NCAM2: variants seen among roughly 807,000 people sequenced by gnomAD.
NCAM2 encodes N-CAM-2.
A neutral mutation model predicts 98.1 loss-of-function variants in NCAM2; 30 were observed. The observed-to-expected ratio is 0.31, with a 90% CI of 0.23 to 0.41. NCAM2 has a LOEUF of 0.41. Ranked by LOEUF, NCAM2 falls within the 10% of genes least tolerant of loss-of-function variation. NCAM2 has a pLI of 1.00. For synonymous variants in NCAM2, 368 were observed against 342.4 expected (o/e 1.07, Z -0.83); for missense variants, 867 against 1,005.8 (o/e 0.86, Z 1.87).
rs141149066 is a variant in NCAM2, at chr21:21,385,395, C to CACACACACACACACACAT, written c.1195+11386_1195+11387insACACACACACACATACAC. On this transcript the variant is annotated intron_variant, in intron 9 of 17. Coordinates refer to ENST00000400546, the MANE Select transcript of NCAM2 (RefSeq NM_004540.5). ...AAACACACACACACACACACACACA[C>CACACACACACACACACAT]ACACGCACACACACATACACACACA... is the stretch of plus-strand genomic sequence containing the variant. 4.6e-3 allele frequency among the ~76,000 whole-genome samples: 699 copies of CACACACACACACACACAT among 150,656 alleles called. 10 individuals are homozygous for CACACACACACACACACAT. Among genetic ancestry groups the CACACACACACACACACAT allele is most frequent in the East Asian group, 8.9e-3 (45 of 5,058 alleles).
At chr21:21,409,364 A>G (rs2145908506) in intron 9 of NCAM2, among the ~76,000 whole-genome samples, 1 of 152,336 alleles carries the variant, frequency 6.6e-6, no homozygotes, top group South Asian at 2.1e-4. Context: ...AATCGTAAGA[A>G]TAGGAACTGG....
intron 5 of NCAM2, among the ~76,000 whole-genome samples, chr21:21,322,038 A>C (rs1220806790): frequency 1.3e-5 from 2 of 152,202 alleles, no homozygotes; most frequent in Non-Finnish European, 2.9e-5. Flanking sequence ...TCACAATAGC[A>C]AGGACATGGA....
At chr21:21,482,557 T>A (rs1466366351) in intron 15 of NCAM2, among the ~76,000 whole-genome samples, 3 of 151,866 alleles carry the variant, frequency 2.0e-5, no homozygotes, top group African/African-American at 4.8e-5. Context: ...TTATGTATAT[T>A]AGATATATTT....
intron 15 of NCAM2, among the ~76,000 whole-genome samples, chr21:21,495,511 T>TTTTTGGAGTCTTTGGAAA (rs1400885771): frequency 4.6e-5 from 7 of 152,076 alleles, no homozygotes; most frequent in Admixed American, 1.3e-4. Flanking sequence ...AATGACTCCC[T>TTTTTGGAGTCTTTGGAAA]ACCATCTTTT....
intron 1 of NCAM2, among the ~76,000 whole-genome samples, chr21:21,154,092 A>G (rs142336393): frequency 6.6e-6 from 1 of 152,046 alleles, no homozygotes; most frequent in African/African-American, 2.4e-5. Context: ...ATGTTCATGT[A>G]TATTGTCTGT....
At chr21:21,397,843 G>A (rs2076546316) in intron 9 of NCAM2, among the ~76,000 whole-genome samples, 1 of 152,206 alleles carries the variant, frequency 6.6e-6, no homozygotes, top group African/African-American at 2.4e-5. Context: ...CTCCAGATGG[G>A]CTGCCACTGC....
intron 1 of NCAM2, among the ~76,000 whole-genome samples, chr21:21,085,727 C>T (rs1295672322): frequency 6.6e-6 from 1 of 152,018 alleles, no homozygotes; most frequent in African/African-American, 2.4e-5. Flanking sequence ...GATTAGTTTC[C>T]AGTTGTTTAT....
intron 12 of NCAM2, among the ~76,000 whole-genome samples, chr21:21,436,529 C>T (rs368945535): frequency 1.2e-4 from 18 of 152,182 alleles, no homozygotes; most frequent in African/African-American, 4.3e-4. Context: ...ACTTCTCTTA[C>T]ATTATAACTC....
At chr21:21,459,938 C>CAAAT (rs1217679119) in intron 12 of NCAM2, among the ~76,000 whole-genome samples, 2 of 151,698 alleles carry the variant, frequency 1.3e-5, no homozygotes, top group Admixed American at 1.3e-4. Context: ...ATTAAGTGTA[C>CAAAT]AAATACAAAC....
intron 1 of NCAM2, among the ~76,000 whole-genome samples, chr21:21,261,651 T>A (rs990207018): frequency 4.6e-5 from 7 of 152,198 alleles, no homozygotes; most frequent in South Asian, 2.1e-4. Context: ...AATCAAAAAA[T>A]TTTTGAAACA....
chr21:21,239,475 A>C (rs577255195), intron 1 of NCAM2: 7 of 152,312 alleles, frequency 4.6e-5, no homozygotes, highest in African/African-American at 1.4e-4. Context: ...ATTACCAGGT[A>C]TTCTGGATAA....
chr21:21,410,276 GC>G lies in NCAM2; in HGVS notation c.1203del (p.Lys402SerfsTer19). 6.7e-7 allele frequency: 1 copy of G among 1,492,416 alleles called. No homozygotes were observed. The highest frequency in any genetic ancestry group is 9.0e-7 in the Non-Finnish European group (1 of 1,111,560). 92.4% of individuals were successfully genotyped at this position (1,492,416 alleles called of 1,614,324 possible). A position where few individuals can be genotyped will look rare whatever the true frequency, so the allele number is the denominator to read the frequency against. Reference sequence around the variant, plus strand: ...TATTTTATTATATTGTATTACAGATGCCCCCAAGTTTATATCAAACCAAACA... The same window carrying G: ...TATTTTATTATATTGTATTACAGATGCCCCAAGTTTATATCAAACCAAACA... ...QKSMYLDIEY[A>X]PKFISNQTIY... On this transcript the variant is annotated frameshift_variant, in exon 10 of 18. Coordinates refer to ENST00000400546, the MANE Select transcript of NCAM2 (RefSeq NM_004540.5). LOFTEE classifies it high-confidence loss of function.
chr21:21,095,718 T>A (rs944339005), intron 1 of NCAM2, among the ~76,000 whole-genome samples: 1 of 151,540 alleles, frequency 6.6e-6, no homozygotes, highest in Non-Finnish European at 1.5e-5. Flanking sequence ...AACAGTAAAT[T>A]CGGAAAATAC....
intron 1 of NCAM2, among the ~76,000 whole-genome samples, chr21:21,255,611 T>C (rs1417376788): frequency 6.6e-6 from 1 of 152,256 alleles, no homozygotes; most frequent in Non-Finnish European, 1.5e-5. Flanking sequence ...CAATTCCTAA[T>C]ATATAATCGA....
At chr21:21,404,774 A>T (rs2076703373) in intron 9 of NCAM2, among the ~76,000 whole-genome samples, 1 of 151,790 alleles carries the variant, frequency 6.6e-6, no homozygotes, top group Non-Finnish European at 1.5e-5. Flanking sequence ...GTGTGTTTAC[A>T]CATACCCACT....
chr21:21,153,741 T>C (rs547077803), intron 1 of NCAM2, among the ~76,000 whole-genome samples: 1 of 151,952 alleles, frequency 6.6e-6, no homozygotes, highest in Non-Finnish European at 1.5e-5. Flanking sequence ...ATGTGAAGAG[T>C]ATTGAATGAT....
intron 16 of NCAM2, among the ~76,000 whole-genome samples, chr21:21,519,928 G>A (rs897884087): frequency 1.3e-5 from 2 of 151,742 alleles, no homozygotes; most frequent in African/African-American, 2.4e-5. Context: ...AAGCATTTTT[G>A]TTTTAAGAGC....
intron 5 of NCAM2, among the ~76,000 whole-genome samples, chr21:21,297,734 C>A (rs959180420): frequency 3.3e-5 from 5 of 149,852 alleles, no homozygotes; most frequent in South Asian, 2.1e-4. Flanking sequence ...CTGTACTACT[C>A]AAAAAAAAAG....
At chr21:21,123,125 G>T (rs2066709798) in intron 1 of NCAM2, among the ~76,000 whole-genome samples, 1 of 148,866 alleles carries the variant, frequency 6.7e-6, no homozygotes. Context: ...TGGGCAGGGG[G>T]TGCTCATGCC....
Sources: gnomAD v4.1 joint callset for allele counts (sites outside exome capture counted in the v4.1 genomes callset) on GRCh38, gnomAD v4.1.1 for gene constraint, MANE v1.5 for transcripts, NCBI Gene and HGNC (gene_info 2026-07-23, HGNC 2026-07-21) for gene names.